The following LURAP1L variants were observed in gnomAD, a reference collection of about 807,000 sequenced individuals.
LURAP1L encodes the protein leucine rich adaptor protein 1 like.
A neutral mutation model predicts 13.8 loss-of-function variants in LURAP1L; 12 were observed. That is an observed-to-expected ratio of 0.87 (90% confidence interval 0.56 to 1.41). The LOEUF (loss-of-function observed/expected upper bound fraction) is 1.41, where lower values mean the gene tolerates loss of function less well. Ranked by LOEUF, LURAP1L falls within the 40% of genes most tolerant of loss-of-function variation. The pLI is 0.00. For synonymous variants in LURAP1L, 139 were observed against 119.2 expected (o/e 1.17, Z -1.08); for missense variants, 375 against 292.9 (o/e 1.28, Z -2.04).
At chr9:12,784,022 G>C (rs1188661282) in intron 1 of LURAP1L, among the ~76,000 whole-genome samples, 1 of 151,934 alleles carries the variant, frequency 6.6e-6, no homozygotes, top group Non-Finnish European at 1.5e-5. Context: ...ATTTCAGCTT[G>C]ATTTTTAAAA....
chr9:12,794,662 C>A (rs930552244), intron 1 of LURAP1L, among the ~76,000 whole-genome samples: 2 of 151,940 alleles, frequency 1.3e-5, no homozygotes, highest in African/African-American at 4.8e-5. Context: ...TGATGCAAAT[C>A]TATAGTAAAC....
intron 1 of LURAP1L, among the ~76,000 whole-genome samples, chr9:12,789,672 A>G (rs564739388): frequency 6.6e-6 from 1 of 152,320 alleles, no homozygotes; most frequent in South Asian, 2.1e-4. Context: ...AAGGGAGTTG[A>G]CAACTACTTT....
At chr9:12,817,872 G>C (rs1819824422) in intron 1 of LURAP1L, among the ~76,000 whole-genome samples, 2 of 152,174 alleles carry the variant, frequency 1.3e-5, no homozygotes, top group African/African-American at 2.4e-5. Flanking sequence ...GGTGCTTGGA[G>C]AAAGCAGAGT....
intron 1 of LURAP1L, among the ~76,000 whole-genome samples, chr9:12,787,449 T>TA (rs545506680): frequency 2.1e-3 from 313 of 152,142 alleles, no homozygotes; most frequent in Middle Eastern, 6.8e-3. Context: ...TCTATTAGTA[T>TA]AAAAAAATTG....
intron 1 of LURAP1L, among the ~76,000 whole-genome samples, chr9:12,800,392 A>T (rs2118511246): frequency 6.6e-6 from 1 of 152,292 alleles, no homozygotes; most frequent in East Asian, 1.9e-4. Flanking sequence ...TTAGTAGAAG[A>T]ATAACATATC....
intron 1 of LURAP1L, among the ~76,000 whole-genome samples, chr9:12,785,426 G>C (rs1033463137): frequency 2.0e-5 from 3 of 152,058 alleles, no homozygotes; most frequent in African/African-American, 7.2e-5. Flanking sequence ...CACAGTACCA[G>C]AACTTGCCTG....
intron 1 of LURAP1L, among the ~76,000 whole-genome samples, chr9:12,799,156 A>C (rs902032968): frequency 1.3e-5 from 2 of 152,152 alleles, no homozygotes; most frequent in Non-Finnish European, 2.9e-5. Flanking sequence ...TTCTAGCACT[A>C]AGTGGTGATA....
chr9:12,820,288 C>CG (rs1819855882), intron 1 of LURAP1L, among the ~76,000 whole-genome samples: 1 of 151,826 alleles, frequency 6.6e-6, no homozygotes, highest in Admixed American at 6.6e-5. Flanking sequence ...GCGGATCACG[C>CG]GGTCAAGAGT....
intron 1 of LURAP1L, among the ~76,000 whole-genome samples, chr9:12,781,974 C>T (rs1819278429): frequency 6.6e-6 from 1 of 152,142 alleles, no homozygotes; most frequent in Non-Finnish European, 1.5e-5. Flanking sequence ...GATAATATTT[C>T]ATTGTAGTTT....
chr9:12,785,618 G>A (rs979119325), intron 1 of LURAP1L, among the ~76,000 whole-genome samples: 1 of 152,180 alleles, frequency 6.6e-6, no homozygotes, highest in African/African-American at 2.4e-5. Flanking sequence ...ATTCTGCCCT[G>A]TATTGCTTTG....
intron 1 of LURAP1L, among the ~76,000 whole-genome samples, chr9:12,783,072 C>T (rs147784835): frequency 1.3e-5 from 2 of 151,972 alleles, no homozygotes; most frequent in Non-Finnish European, 2.9e-5. Flanking sequence ...TATCCTACAA[C>T]TTTACTCAAC....
At chr9:12,802,554 C>T (rs1434354681) in intron 1 of LURAP1L, among the ~76,000 whole-genome samples, 1 of 152,224 alleles carries the variant, frequency 6.6e-6, no homozygotes, top group Non-Finnish European at 1.5e-5. Flanking sequence ...CCAGCTTCAG[C>T]TTCCTGTGCA....
At chr9:12,793,748 G>T (rs1320299050) in intron 1 of LURAP1L, among the ~76,000 whole-genome samples, 3 of 152,016 alleles carry the variant, frequency 2.0e-5, no homozygotes, top group Non-Finnish European at 4.4e-5. Context: ...ATAGTACAAA[G>T]AAATCTCTTT....
chr9:12,808,033 T>C (rs1043873984), intron 1 of LURAP1L, among the ~76,000 whole-genome samples: 2 of 152,176 alleles, frequency 1.3e-5, no homozygotes, highest in African/African-American at 2.4e-5. Flanking sequence ...ATGACTATCA[T>C]TCATTTCATT....
chr9:12,816,914 G>C (rs571455929), intron 1 of LURAP1L, among the ~76,000 whole-genome samples: 1 of 152,096 alleles, frequency 6.6e-6, no homozygotes, highest in Non-Finnish European at 1.5e-5. Context: ...TATTTTTGTC[G>C]TTGTTGTTTT....
At chr9:12,793,693 G>T (rs1409306338) in intron 1 of LURAP1L, among the ~76,000 whole-genome samples, 1 of 152,028 alleles carries the variant, frequency 6.6e-6, no homozygotes, top group Non-Finnish European at 1.5e-5. Context: ...TGTGCATTAT[G>T]ATAAAGACAG....
intron 1 of LURAP1L, among the ~76,000 whole-genome samples, chr9:12,792,912 T>A (rs188206150): frequency 1.3e-5 from 2 of 152,182 alleles, no homozygotes; most frequent in African/African-American, 4.8e-5. Flanking sequence ...TATTCCTTAT[T>A]TGGAAGTTTC....
intron 1 of LURAP1L, among the ~76,000 whole-genome samples, chr9:12,810,165 G>A (rs532394838): frequency 5.1e-4 from 78 of 152,284 alleles, no homozygotes; most frequent in African/African-American, 1.7e-3. Flanking sequence ...CAGAAGCACA[G>A]GGGATATTGA....
chr9:12,785,554 A>T (rs960488308), intron 1 of LURAP1L, among the ~76,000 whole-genome samples: 1 of 152,140 alleles, frequency 6.6e-6, no homozygotes, highest in African/African-American at 2.4e-5. Context: ...TGGCATAGAA[A>T]ATTCCCCTCT....
Sources: gnomAD v4.1 joint callset for allele counts (sites outside exome capture counted in the v4.1 genomes callset) on GRCh38, gnomAD v4.1.1 for gene constraint, MANE v1.5 for transcripts, NCBI Gene and HGNC (gene_info 2026-07-23, HGNC 2026-07-21) for gene names.